ROBO2: variants seen among roughly 807,000 people sequenced by gnomAD.
ROBO2 encodes roundabout guidance receptor 2, also known as roundabout homolog 2.
A neutral mutation model predicts 160.8 loss-of-function variants in ROBO2; 53 were observed. The ratio of observed to expected loss-of-function variants is 0.33; its 90% CI spans 0.26 to 0.41. The LOEUF is 0.41. Among genes scored for constraint, ROBO2 ranks in the 10% least tolerant of loss-of-function variants. The pLI, the probability that ROBO2 is intolerant of heterozygous loss-of-function variation, is 1.00. For missense variants in ROBO2, 1,577 were observed against 1,722.4 expected (o/e 0.92, Z 1.49); for synonymous variants, 664 against 611.7 (o/e 1.09, Z -1.26).
At chr3:77,180,416 C>CTCTCTCTCTCTCTCTCTCTA (rs1433740534) in intron 2 of ROBO2, among the ~76,000 whole-genome samples, 18 of 90,706 alleles carry the variant, frequency 2.0e-4, no homozygotes, top group Admixed American at 4.0e-4. Flanking sequence ...CTCTCTCTCT[C>CTCTCTCTCTCTCTCTCTCTA]TATATATATA....
At chr3:76,775,471 A>C (rs534579174) in intron 2 of ROBO2, among the ~76,000 whole-genome samples, 1 of 151,008 alleles carries the variant, frequency 6.6e-6, no homozygotes, top group African/African-American at 2.4e-5. Context: ...GGACGAAAGT[A>C]AACTTTAATT....
intron 2 of ROBO2, among the ~76,000 whole-genome samples, chr3:76,273,985 G>C (rs911802274): frequency 1.2e-4 from 19 of 152,280 alleles, no homozygotes; most frequent in African/African-American, 4.1e-4. Flanking sequence ...GGGTGAAAGG[G>C]AGAGAAAGAG....
chr3:76,163,639 C>T (rs1014657732), intron 2 of ROBO2, among the ~76,000 whole-genome samples: 10 of 151,084 alleles, frequency 6.6e-5, no homozygotes, highest in South Asian at 2.1e-4. Flanking sequence ...TGCAATAAAG[C>T]GAATCACAAG....
At chr3:76,134,963 A>G (rs2071375258) in intron 2 of ROBO2, among the ~76,000 whole-genome samples, 1 of 152,136 alleles carries the variant, frequency 6.6e-6, no homozygotes, top group African/African-American at 2.4e-5. Flanking sequence ...TGTTGACCAT[A>G]TAATGATTTT....
At chr3:76,108,889 C>G (rs1182197028) in intron 2 of ROBO2, among the ~76,000 whole-genome samples, 1 of 151,040 alleles carries the variant, frequency 6.6e-6, no homozygotes, top group East Asian at 1.9e-4. Context: ...ATTAATTTAT[C>G]AATTATTAAA....
chr3:76,512,238 A>AAT (rs1002801422), intron 2 of ROBO2, among the ~76,000 whole-genome samples: 17 of 150,238 alleles, frequency 1.1e-4, no homozygotes, highest in Admixed American at 2.7e-4. Flanking sequence ...TGTTTCCTTA[A>AAT]ATATATATAT....
intron 2 of ROBO2, among the ~76,000 whole-genome samples, chr3:77,403,552 T>C (rs560180602): frequency 1.3e-5 from 2 of 151,526 alleles, no homozygotes; most frequent in East Asian, 3.9e-4. Flanking sequence ...CCTTGTTTTT[T>C]AAAGTCTGAA....
chr3:76,129,714 G>GAGAT (rs143638437), intron 2 of ROBO2, among the ~76,000 whole-genome samples: 4,365 of 152,126 alleles, frequency 0.029, 100 homozygotes, highest in Non-Finnish European at 0.041. Context: ...AAAACATTAG[G>GAGAT]AGATGTGCCT....
intron 2 of ROBO2, among the ~76,000 whole-genome samples, chr3:77,110,692 T>TAG (rs1300539218): frequency 4.7e-5 from 7 of 149,122 alleles, no homozygotes; most frequent in Non-Finnish European, 7.4e-5. Context: ...TACATATATA[T>TAG]ATATAGAGAG....
chr3:77,360,123 C>A (rs191171248), intron 2 of ROBO2, among the ~76,000 whole-genome samples: 1 of 152,228 alleles, frequency 6.6e-6, no homozygotes, highest in East Asian at 1.9e-4. Flanking sequence ...ATAATACTCT[C>A]TAGTATCCAA....
chr3:77,537,518 A>G (rs1206343276), intron 6 of ROBO2, among the ~76,000 whole-genome samples: 1 of 152,128 alleles, frequency 6.6e-6, no homozygotes, highest in Admixed American at 6.6e-5. Context: ...TAGTCATTCT[A>G]TTCTCTTTGA....
intron 24 of ROBO2, among the ~76,000 whole-genome samples, chr3:77,637,629 T>G (rs1309687873): frequency 6.6e-6 from 1 of 152,140 alleles, no homozygotes; most frequent in Non-Finnish European, 1.5e-5. Flanking sequence ...AAGGACTACT[T>G]TCACTGAATT....
intron 2 of ROBO2, among the ~76,000 whole-genome samples, chr3:75,961,760 T>C (rs2107281777): frequency 1.3e-5 from 2 of 151,700 alleles, no homozygotes; most frequent in Admixed American, 1.3e-4. Flanking sequence ...TATTAAAATA[T>C]TGAGAAAGAT....
rs117693486 is a variant in ROBO2, at chr3:76,882,258, G to A, written c.110-215756G>A. Among the ~76,000 whole-genome samples, 9 of 152,214 alleles carry A rather than the reference G, an allele frequency of 5.9e-5. No homozygotes were observed. The East Asian group carries it at 1.7e-3, about 29-fold the overall frequency. On this transcript the variant is annotated intron_variant, in intron 2 of 26. Coordinates refer to the ROBO2 transcript ENST00000487694. ...TTAGTTAAAATCCATGTTTCAAGAT[G>A]TAAAATCCAATGTTTCAACAGTACA...
intron 23 of ROBO2, among the ~76,000 whole-genome samples, chr3:77,627,538 G>C (rs922190794): frequency 6.6e-6 from 1 of 151,956 alleles, no homozygotes; most frequent in Admixed American, 6.6e-5. Context: ...GCCCATTTTA[G>C]CCTCCCAGAG....
chr3:77,349,188 G>T (rs1220996183), intron 2 of ROBO2, among the ~76,000 whole-genome samples: 1 of 152,132 alleles, frequency 6.6e-6, no homozygotes, highest in Admixed American at 6.6e-5. Context: ...AATAAAACAT[G>T]AAAGTACATT....
intron 2 of ROBO2, among the ~76,000 whole-genome samples, chr3:76,948,914 T>A (rs1168265695): frequency 5.1e-3 from 271 of 53,070 alleles, no homozygotes; most frequent in African/African-American, 0.015. Context: ...ATATATTTTT[T>A]TTTTTTTTTT....
At chr3:76,440,535 G>C (rs1431256458) in intron 2 of ROBO2, among the ~76,000 whole-genome samples, 1 of 151,944 alleles carries the variant, frequency 6.6e-6, no homozygotes, top group African/African-American at 2.4e-5. Context: ...ATCTGTAAAG[G>C]GTGCTTTAGT....
intron 2 of ROBO2, among the ~76,000 whole-genome samples, chr3:76,765,453 C>T (rs982956454): frequency 3.3e-5 from 5 of 151,542 alleles, no homozygotes; most frequent in African/African-American, 9.7e-5. Context: ...GTTGATGTCT[C>T]CTCCCATTGA....
Sources: allele counts gnomAD v4.1 joint callset (sites outside exome capture counted in the v4.1 genomes callset), GRCh38; gene constraint gnomAD v4.1.1; transcripts MANE v1.5; gene names NCBI Gene and HGNC (gene_info 2026-07-23, HGNC 2026-07-21).